The following MYO5B variants were observed in gnomAD, a reference collection of about 807,000 sequenced individuals.
The protein encoded by MYO5B is unconventional myosin-Vb.
Under a neutral mutation model 229.3 loss-of-function variants are expected in MYO5B, and 143 were observed. The observed-to-expected ratio is 0.62, with a 90% CI of 0.54 to 0.72. The LOEUF (loss-of-function observed/expected upper bound fraction) is 0.72. Ranked by LOEUF, MYO5B falls within the 30% of genes least tolerant of loss-of-function variation. The probability of loss-of-function intolerance (pLI) is 0.00; values close to 1 mark genes in which losing one functional copy is unlikely to be tolerated. For missense variants in MYO5B, 2,321 were observed against 2,331.0 expected (o/e 1.00, Z 0.09); for synonymous variants, 918 against 885.2 (o/e 1.04, Z -0.66).
intron 4 of MYO5B, among the ~76,000 whole-genome samples, chr18:50,025,643 C>T (rs2026322865): frequency 6.6e-6 from 1 of 152,226 alleles, no homozygotes; most frequent in Non-Finnish European, 1.5e-5. Context: ...GTGCAGTGCT[C>T]TTTAACCCAG....
chr18:50,179,604 CAAGGAA>C (rs1306827302), intron 1 of MYO5B, among the ~76,000 whole-genome samples: 1 of 152,146 alleles, frequency 6.6e-6, no homozygotes, highest in East Asian at 1.9e-4. Flanking sequence ...GGTGAGAAGA[CAAGGAA>C]AAGAGCCAAG....
chr18:49,861,146 TAACTC>T (rs1312917577), intron 29 of MYO5B, among the ~76,000 whole-genome samples: 1 of 152,250 alleles, frequency 6.6e-6, no homozygotes, highest in African/African-American at 2.4e-5. Flanking sequence ...TTTCTGTACT[TAACTC>T]AGTTTCACAG....
At chr18:50,079,743 C>T (rs573554898) in intron 1 of MYO5B, among the ~76,000 whole-genome samples, 2 of 151,834 alleles carry the variant, frequency 1.3e-5, no homozygotes, top group African/African-American at 2.4e-5. Context: ...TCTGTAGCAG[C>T]GGAATCAGAC....
At chr18:49,929,097 T>TC (rs1568034428) in intron 17 of MYO5B, among the ~76,000 whole-genome samples, 2 of 151,890 alleles carry the variant, frequency 1.3e-5, no homozygotes, top group Non-Finnish European at 2.9e-5. Flanking sequence ...CACCACTTGT[T>TC]CCCCCAAAAA....
intron 9 of MYO5B, among the ~76,000 whole-genome samples, chr18:49,977,511 G>A (rs1411447396): frequency 2.0e-5 from 3 of 152,094 alleles, no homozygotes; most frequent in Admixed American, 6.5e-5. Context: ...AACTATTAAC[G>A]ATGCATTTCT....
chr18:50,064,609 C>G (rs1442364717), intron 1 of MYO5B, among the ~76,000 whole-genome samples: 1 of 152,146 alleles, frequency 6.6e-6, no homozygotes, highest in African/African-American at 2.4e-5. Context: ...TTTTAAAATC[C>G]ATTTCTGATT....
intron 6 of MYO5B, among the ~76,000 whole-genome samples, chr18:49,991,484 C>T (rs989706666): frequency 2.0e-5 from 3 of 152,106 alleles, no homozygotes; most frequent in Non-Finnish European, 4.4e-5. Context: ...GTGAGTTGCA[C>T]CAAGCCCACT....
Position 50,001,244 on chromosome 18 carries a change from G to T in MYO5B, c.612+11C>A. ...CCAGCCAGGAAGGCCAGGACACCTAGAAGGCTTTACCTCCATGATGGGACT... is the reference window on the plus strand; with the variant it reads ...CCAGCCAGGAAGGCCAGGACACCTATAAGGCTTTACCTCCATGATGGGACT... On this transcript the variant is annotated intron_variant, in intron 5 of 39. Coordinates refer to ENST00000285039, the MANE Select transcript of MYO5B (RefSeq NM_001080467.3). The T allele has an allele frequency of 6.2e-7, 1 of 1,614,138 alleles. No homozygotes were observed. The highest frequency in any genetic ancestry group is 1.1e-5 in the South Asian group (1 of 91,048).
chr18:50,007,186 G>A (rs1449370641), intron 4 of MYO5B, among the ~76,000 whole-genome samples: 2 of 152,146 alleles, frequency 1.3e-5, no homozygotes, highest in Non-Finnish European at 2.9e-5. Flanking sequence ...AATTCCCAGG[G>A]CTCCTGGCAT....
intron 1 of MYO5B, among the ~76,000 whole-genome samples, chr18:50,186,365 G>A (rs1003667489): frequency 6.6e-6 from 1 of 152,220 alleles, no homozygotes; most frequent in Admixed American, 6.5e-5. Context: ...TGTATTCACA[G>A]AGGGAAAACA....
chr18:49,892,466 C>T (rs541147862), intron 22 of MYO5B, among the ~76,000 whole-genome samples: 92 of 152,308 alleles, frequency 6.0e-4, no homozygotes, highest in African/African-American at 2.1e-3. Flanking sequence ...CAATACGACA[C>T]TCGCTGCCTT....
intron 16 of MYO5B, among the ~76,000 whole-genome samples, chr18:49,934,772 A>G (rs1426598473): frequency 6.6e-6 from 1 of 152,228 alleles, no homozygotes; most frequent in Non-Finnish European, 1.5e-5. Context: ...AACTGGTAAC[A>G]TTCTGTCTCC....
At chr18:49,974,780 C>CACACACACACACACACACAG (rs1555648459) in intron 9 of MYO5B, among the ~76,000 whole-genome samples, 165 bp from the exon 10 acceptor site, 1 of 41,354 alleles carries the variant, frequency 2.4e-5, no homozygotes, top group Non-Finnish European at 7.7e-5. Flanking sequence ...CAGTCTCTCT[C>CACACACACACACACACACAG]ACACACACAC....
intron 27 of MYO5B, chr18:49,871,547 T>G (rs1465209324): frequency 6.4e-6 from 1 of 155,262 alleles, no homozygotes; most frequent in African/African-American, 2.4e-5. Context: ...TTTGACAAGT[T>G]ATTTATTTTT....
intron 1 of MYO5B, among the ~76,000 whole-genome samples, chr18:50,122,577 G>A (rs1479930554): frequency 1.8e-5 from 2 of 109,296 alleles, no homozygotes; most frequent in East Asian, 2.8e-4. Flanking sequence ...TGGGGGAGAG[G>A]GAGAGAGGAA....
chr18:50,118,623 T>A (rs1317487729), intron 1 of MYO5B, among the ~76,000 whole-genome samples: 1 of 108,644 alleles, frequency 9.2e-6, no homozygotes, highest in Non-Finnish European at 2.1e-5. Context: ...CATGTTGGCA[T>A]TTCTTTTTTT....
chr18:50,128,582 C>T (rs17716604), intron 1 of MYO5B, among the ~76,000 whole-genome samples: 3,323 of 152,204 alleles, frequency 0.022, 79 homozygotes, highest in Non-Finnish European at 0.028. Context: ...GGAAGTCTCT[C>T]GTGCCTTGAG....
At chr18:49,877,226 C>T (rs980965233) in intron 25 of MYO5B, among the ~76,000 whole-genome samples, 7 of 152,192 alleles carry the variant, frequency 4.6e-5, no homozygotes, top group Admixed American at 1.3e-4. Context: ...ACAAAGACCA[C>T]ACAGTCCACT....
chr18:50,041,837 G>C (rs1192941955), intron 2 of MYO5B, among the ~76,000 whole-genome samples: 1 of 151,994 alleles, frequency 6.6e-6, no homozygotes, highest in Non-Finnish European at 1.5e-5. Context: ...AAGTCAAATG[G>C]GAAAAGGGAA....
Sources: gnomAD v4.1 joint callset for allele counts (sites outside exome capture counted in the v4.1 genomes callset) on GRCh38, gnomAD v4.1.1 for gene constraint, MANE v1.5 for transcripts, NCBI Gene and HGNC (gene_info 2026-07-23, HGNC 2026-07-21) for gene names.